Variants in GAS2L3 observed in about 807,000 individuals in gnomAD.
GAS2L3 encodes GAS2-like protein 3.
A neutral mutation model predicts 37.0 loss-of-function variants in GAS2L3; 28 were observed. The ratio of observed to expected loss-of-function variants is 0.76; its 90% CI spans 0.56 to 1.04. The LOEUF is 1.04. GAS2L3 is among the 50% of genes least tolerant of loss of function. GAS2L3 has a pLI of 0.00. For synonymous variants in GAS2L3, 290 were observed against 296.6 expected (o/e 0.98, Z 0.23); for missense variants, 793 against 817.6 (o/e 0.97, Z 0.37).
At position 100,625,200 on chromosome 12, in the gene GAS2L3, A is replaced by C. The variant is rs989864833; in HGVS notation, c.*310A>C. ...GGAAATGTAAAAGTTATTTAACACT[A>C]CAAGAATTTTAACAATAGTTGCTCT... On this transcript the variant is annotated 3_prime_UTR_variant, in exon 10 of 10. Coordinates refer to ENST00000547754, the MANE Select transcript of GAS2L3 (RefSeq NM_174942.3). 1.9e-5 allele frequency: 4 copies of C among 211,676 alleles called. No homozygotes were observed. The highest frequency in any genetic ancestry group is 9.2e-5 in the African/African-American group (4 of 43,474). 13.1% of individuals were successfully genotyped at this position (211,676 alleles called of 1,614,324 possible).
chr12:100,593,882 CA>C (rs1955877632), intron 2 of GAS2L3: 1 of 151,840 alleles, frequency 6.6e-6, no homozygotes, highest in African/African-American at 2.4e-5. Flanking sequence ...TGCCTTCCTG[CA>C]AAGAAAATGT....
Position 100,600,365 on chromosome 12 carries a change from A to ATTTTT in GAS2L3, c.19-11_19-7dup. 1 of 1,421,184 alleles carries ATTTTT rather than the reference A, an allele frequency of 7.0e-7. No individual in the cohort carries two copies. The highest frequency in any genetic ancestry group is 9.5e-7 in the Non-Finnish European group (1 of 1,048,744). The allele number at this position is 1,421,184 out of a possible 1,614,324, so 88.0% of individuals were successfully genotyped here. On this transcript the variant is annotated splice_polypyrimidine_tract_variant and intron_variant, in intron 3 of 9. Transcript: ENST00000547754. ...AAGGTTTTATTCATTCAGTTGATTG[A>ATTTTT]TTTTTTTTTTCTTTAGGTATGGTTT...
intron 2 of GAS2L3, chr12:100,593,974 G>A (rs920692565): frequency 6.6e-6 from 1 of 152,034 alleles, no homozygotes; most frequent in Non-Finnish European, 1.5e-5. Context: ...AAGGAAAGTG[G>A]TATGTATAGT....
At chr12:100,588,538 T>C (rs754972302) in intron 1 of GAS2L3, among the ~76,000 whole-genome samples, 10 of 152,184 alleles carry the variant, frequency 6.6e-5, no homozygotes, top group Admixed American at 2.0e-4. Flanking sequence ...GGGTCTATGT[T>C]CAGCAGTGCA....
chr12:100,577,652 G>A (rs937409901), intron 1 of GAS2L3, among the ~76,000 whole-genome samples: 2 of 152,128 alleles, frequency 1.3e-5, no homozygotes, highest in Non-Finnish European at 2.9e-5. Flanking sequence ...ATTTCATAGT[G>A]ACATAGAAGA....
Position 100,624,813 on chromosome 12 carries a change from A to G in GAS2L3, c.2008A>G (p.Lys670Glu), listed in dbSNP as rs184447055. ...SSVKDADSGD[K>E]KPTAKKKEDD... ...TGTTAAGGATGCAGATAGTGGAGAT[A>G]AAAAACCTACTGCAAAGAAAAAGGA... The change falls in exon 10 of 10, where the codon AAA becomes GAA. Residue 670 changes from lysine (K) to glutamate (E), a missense_variant. Lys to Glu is a moderately conservative substitution (Grantham distance 56, BLOSUM62 1). Transcript: ENST00000547754. 1.3e-5 allele frequency: 21 copies of G among 1,613,544 alleles called. No homozygotes were observed. In the Admixed American group the frequency reaches 3.3e-4, roughly 26 times the overall value.
In GAS2L3 at chr12:100,627,787, G is replaced by A. The variant is rs775045111; in HGVS notation, c.*2897G>A. On this transcript the variant is annotated 3_prime_UTR_variant, in exon 10 of 10. Coordinates refer to ENST00000547754, the MANE Select transcript of GAS2L3 (RefSeq NM_174942.3). ...TTTTGTGTTTAATGTTTAATAAAAC[G>A]AGTATTAAGCTTAAATTACTGAAGT... 1.3e-5 allele frequency: 2 copies of A among 152,100 alleles called. No homozygotes were observed. The highest frequency in any genetic ancestry group is 2.9e-5 in the Non-Finnish European group (2 of 68,018). 9.4% of individuals were successfully genotyped at this position (152,100 alleles called of 1,614,324 possible).
At chr12:100,598,056 G>T (rs1382462436) in intron 3 of GAS2L3, among the ~76,000 whole-genome samples, 3 of 152,104 alleles carry the variant, frequency 2.0e-5, no homozygotes, top group African/African-American at 7.2e-5. Flanking sequence ...TTGAGAGGAA[G>T]TGGCGACTCT....
chr12:100,621,453 T>G (rs980697769), intron 8 of GAS2L3, among the ~76,000 whole-genome samples: 2 of 151,986 alleles, frequency 1.3e-5, no homozygotes, highest in African/African-American at 2.4e-5. Flanking sequence ...TAATAGAAAA[T>G]TCTATAAGCT....
intron 1 of GAS2L3, among the ~76,000 whole-genome samples, chr12:100,574,255 A>T (rs1012761368): frequency 6.6e-5 from 10 of 152,190 alleles, no homozygotes; most frequent in African/African-American, 2.2e-4. Flanking sequence ...GAAAGAATTG[A>T]TGAAGTCTCT....
chr12:100,615,887 G>A lies in GAS2L3; in HGVS notation c.446-1857G>A, dbSNP rs1184761992. On this transcript the variant is annotated intron_variant, in intron 6 of 9. Transcript: ENST00000547754. ...CCAGTGATACACTGTCTTGATTACTGTAGCTTATAGTAAGTTTTGAAATTG... is the reference window on the plus strand; with the variant it reads ...CCAGTGATACACTGTCTTGATTACTATAGCTTATAGTAAGTTTTGAAATTG... Among the ~76,000 whole-genome samples the A allele has an allele frequency of 2.0e-5, 3 of 152,186 alleles. No individual in the cohort carries two copies. In the East Asian group the frequency reaches 5.8e-4, roughly 29 times the overall value.
intron 3 of GAS2L3, among the ~76,000 whole-genome samples, chr12:100,598,976 C>CT (rs1216646724): frequency 6.6e-6 from 1 of 152,170 alleles, no homozygotes; most frequent in East Asian, 1.9e-4. Context: ...CACTTGGACT[C>CT]TGACACTCTG....
At chr12:100,593,209 C>T (rs1272772226) in intron 2 of GAS2L3, among the ~76,000 whole-genome samples, 2 of 152,030 alleles carry the variant, frequency 1.3e-5, no homozygotes, top group East Asian at 3.9e-4. Flanking sequence ...GATAAAATCT[C>T]ATCAATGAAA....
chr12:100,617,423 A>G (rs545266858), intron 6 of GAS2L3, among the ~76,000 whole-genome samples: 2 of 152,286 alleles, frequency 1.3e-5, no homozygotes, highest in African/African-American at 4.8e-5. Context: ...TTGCGGTACT[A>G]TATATCTTTT....
At position 100,600,646 on chromosome 12, in the gene GAS2L3, C is replaced by T. The variant is rs555481303; in HGVS notation, c.187+96C>T. On this transcript the variant is annotated intron_variant, in intron 4 of 9. Transcript: ENST00000547754. The stretch of plus-strand genomic sequence containing the variant: ...TGTCAAGGAGTGATTGTTACAGATG[C>T]TGGGGATACTCCAGTGAATGAAATA... 42 of 956,358 alleles carry T rather than the reference C, an allele frequency of 4.4e-5. No individual in the cohort carries two copies. In the East Asian group the frequency reaches 1.0e-3, roughly 23 times the overall value. The allele number at this position is 956,358 out of a possible 1,614,324, so 59.2% of individuals were successfully genotyped here.
At chr12:100,588,054 A>AAAAAT (rs550890050) in intron 1 of GAS2L3, among the ~76,000 whole-genome samples, 114 of 152,286 alleles carry the variant, frequency 7.5e-4, no homozygotes, top group Non-Finnish European at 1.3e-3. Flanking sequence ...TCCATCTCAA[A>AAAAAT]AAAATAAAAT....
intron 1 of GAS2L3, among the ~76,000 whole-genome samples, chr12:100,587,093 C>G (rs749266886): frequency 6.6e-6 from 1 of 151,846 alleles, no homozygotes; most frequent in Non-Finnish European, 1.5e-5. Flanking sequence ...AAGAAATTAC[C>G]AACAAAAAAG....
intron 3 of GAS2L3, among the ~76,000 whole-genome samples, chr12:100,598,143 A>G (rs1565803604): frequency 6.6e-6 from 1 of 152,168 alleles, no homozygotes; most frequent in African/African-American, 2.4e-5. Flanking sequence ...CCACAATGAA[A>G]TAGTCAGAAT....
At position 100,619,533 on chromosome 12, in the gene GAS2L3, A is replaced by G. The variant is rs1399651993; in HGVS notation, c.648+946A>G. On this transcript the variant is annotated intron_variant, in intron 8 of 9. Coordinates refer to ENST00000547754, the MANE Select transcript of GAS2L3 (RefSeq NM_174942.3). ...TTAATGTAATAAAAGTCTATAGTAA[A>G]ACTATCAGATAACCTTGCAAGACAG... 2.6e-5 allele frequency among the ~76,000 whole-genome samples: 4 copies of G among 152,166 alleles called. No homozygotes were observed. In the East Asian group the frequency reaches 7.7e-4, roughly 29 times the overall value.
Sources: allele counts gnomAD v4.1 joint callset (sites outside exome capture counted in the v4.1 genomes callset), GRCh38; gene constraint gnomAD v4.1.1; transcripts MANE v1.5; gene names NCBI Gene and HGNC (gene_info 2026-07-23, HGNC 2026-07-21).